SPATA31H1: variants seen among roughly 807,000 people sequenced by gnomAD.
The protein encoded by SPATA31H1 is SPATA31 subfamily H member 1, also known as spermatogenesis-associated protein 31H1.
chr2:27,563,348 T>C, the SPATA31H1 span, among the ~76,000 whole-genome samples: 1 of 151,220 alleles, frequency 6.6e-6, no homozygotes, highest in African/African-American at 2.4e-5. Context: ...CATTAATGTG[T>C]AGTTATTCAA....
the SPATA31H1 span, among the ~76,000 whole-genome samples, chr2:27,565,574 C>A: frequency 6.6e-6 from 1 of 152,136 alleles, no homozygotes; most frequent in African/African-American, 2.4e-5. Context: ...ATAATTCTTT[C>A]CATGGTTCCT....
chr2:27,541,635 T>C, the SPATA31H1 span, among the ~76,000 whole-genome samples: 2 of 152,070 alleles, frequency 1.3e-5, no homozygotes, highest in East Asian at 1.9e-4. Flanking sequence ...ACATGAAAAG[T>C]TGTGAATGTG....
chr2:27,579,447 T>G, the SPATA31H1 span: 86 of 1,614,104 alleles, frequency 5.3e-5, no homozygotes, highest in Non-Finnish European at 6.8e-5. Context: ...GGTCAAAAAC[T>G]ATATTCAGAG....
the SPATA31H1 span, among the ~76,000 whole-genome samples, chr2:27,562,552 TA>T: frequency 5.3e-4 from 78 of 148,236 alleles, no homozygotes; most frequent in South Asian, 0.015. Flanking sequence ...TATGTGTCTA[TA>T]TACAGACACA....
At chr2:27,568,269 C>T in the SPATA31H1 span, 1 of 398,932 alleles carries the variant, frequency 2.5e-6, no homozygotes, top group Non-Finnish European at 4.4e-6. Context: ...AAAGATGAAT[C>T]TAAGGCCACA....
chr2:27,567,490 A>G, the SPATA31H1 span: 2 of 415,364 alleles, frequency 4.8e-6, no homozygotes, highest in Non-Finnish European at 4.3e-6. Context: ...CCATCATTTC[A>G]GCTCCATGTG....
the SPATA31H1 span, chr2:27,580,606 C>G: frequency 1.2e-6 from 2 of 1,614,180 alleles, no homozygotes; most frequent in Non-Finnish European, 1.7e-6. Flanking sequence ...AAGAAACCTT[C>G]CCAACCCAAG....
At chr2:27,577,803 C>T in the SPATA31H1 span, 3 of 1,614,094 alleles carry the variant, frequency 1.9e-6, no homozygotes, top group Non-Finnish European at 8.5e-7. This position sits in a 1 kb window ranked among gnomAD's most constrained non-coding sequence, Gnocchi z 4.5. Context: ...TAAGCAATGG[C>T]TACAAATGGA....
chr2:27,568,274 G>C, the SPATA31H1 span: 2 of 398,884 alleles, frequency 5.0e-6, no homozygotes. Flanking sequence ...TGAATCTAAG[G>C]CCACAACATG....
chr2:27,540,379 G>A, the SPATA31H1 span, among the ~76,000 whole-genome samples: 296 of 124,468 alleles, frequency 2.4e-3, no homozygotes, highest in African/African-American at 9.5e-3. Flanking sequence ...CGGACTGGGC[G>A]GCTGGCCGGG....
At chr2:27,542,396 A>AAAAAAT in the SPATA31H1 span, among the ~76,000 whole-genome samples, 3 of 151,992 alleles carry the variant, frequency 2.0e-5, no homozygotes, top group African/African-American at 7.3e-5. Flanking sequence ...GACTGTCTCA[A>AAAAAAT]AAAAATAAAA....
the SPATA31H1 span, chr2:27,581,027 A>G: frequency 1.2e-6 from 2 of 1,614,220 alleles, no homozygotes; most frequent in Non-Finnish European, 1.7e-6. Flanking sequence ...GTAGTAGCAG[A>G]TCAAAGAAAA....
the SPATA31H1 span, among the ~76,000 whole-genome samples, chr2:27,539,306 G>C: frequency 6.7e-6 from 1 of 148,916 alleles, no homozygotes; most frequent in Admixed American, 6.6e-5. Context: ...AGATTAGGGA[G>C]TGGTGATGAC....
the SPATA31H1 span, among the ~76,000 whole-genome samples, chr2:27,563,709 G>A: frequency 3.3e-5 from 5 of 151,774 alleles, no homozygotes; most frequent in East Asian, 3.9e-4. Flanking sequence ...ACAGGTGCAC[G>A]CCACCATGCC....
At chr2:27,540,457 C>T in the SPATA31H1 span, among the ~76,000 whole-genome samples, 12 of 120,766 alleles carry the variant, frequency 9.9e-5, no homozygotes, top group African/African-American at 2.7e-4. Context: ...CTCCTCACTT[C>T]CCAGTAGGGG....
chr2:27,545,912 T>C, the SPATA31H1 span, among the ~76,000 whole-genome samples: 6 of 151,976 alleles, frequency 3.9e-5, no homozygotes, highest in Non-Finnish European at 8.8e-5. Flanking sequence ...TATTGCATTG[T>C]GGTTTTAATG....
chr2:27,560,624 A>AT, the SPATA31H1 span, among the ~76,000 whole-genome samples: 1 of 151,814 alleles, frequency 6.6e-6, no homozygotes, highest in Non-Finnish European at 1.5e-5. Context: ...CACCCAGCTA[A>AT]TTTTTTGTAT....
chr2:27,566,764 A>G, the SPATA31H1 span: 53 of 712,448 alleles, frequency 7.4e-5, no homozygotes, highest in African/African-American at 8.6e-4. Flanking sequence ...GATTTGCCTG[A>G]ATCACAGGAT....
the SPATA31H1 span, chr2:27,537,684 G>T: frequency 1.6e-6 from 1 of 641,230 alleles, no homozygotes; most frequent in East Asian, 2.7e-5. Flanking sequence ...AGTTGAGACA[G>T]TGCCCATGGA....
Sources: allele counts gnomAD v4.1 joint callset (sites outside exome capture counted in the v4.1 genomes callset), GRCh38; gene constraint gnomAD v4.1.1; non-coding constraint Gnocchi (gnomAD v3.1); transcripts MANE v1.5; gene names NCBI Gene and HGNC (gene_info 2026-07-23, HGNC 2026-07-21).